TTC23L: variants seen among roughly 807,000 people sequenced by gnomAD.
The protein encoded by TTC23L is tetratricopeptide repeat domain 23 like.
A neutral mutation model predicts 48.1 loss-of-function variants in TTC23L; 42 were observed. The ratio of observed to expected loss-of-function variants is 0.87; its 90% CI spans 0.68 to 1.13. TTC23L has a LOEUF of 1.13. Ranked by LOEUF, TTC23L falls within the 50% of genes most tolerant of loss-of-function variation. TTC23L has a pLI of 0.00. For missense variants in TTC23L, 391 were observed against 421.0 expected, an observed-to-expected ratio of 0.93 and a Z score of 0.62; for synonymous variants, 159 against 157.2, an observed-to-expected ratio of 1.01 and a Z score of -0.09.
chr5:34,911,264 C>A, the TTC23L span, among the ~76,000 whole-genome samples: 1 of 152,120 alleles, frequency 6.6e-6, no homozygotes, highest in Non-Finnish European at 1.5e-5. Context: ...CATGATGTAA[C>A]CTGATCTATG....
At chr5:34,911,570 C>G in the TTC23L span, 1 of 1,614,134 alleles carries the variant, frequency 6.2e-7, no homozygotes, top group Non-Finnish European at 8.5e-7. Context: ...TAAGGCTTGT[C>G]AGGAGACATG....
downstream of TTC23L, among the ~76,000 whole-genome samples, chr5:34,903,123 T>C (rs976963205): frequency 6.6e-6 from 1 of 152,188 alleles, no homozygotes; most frequent in African/African-American, 2.4e-5. Context: ...AATTTTATGG[T>C]GTACCTGTTC....
chr5:34,915,839 C>T, the TTC23L span: 2 of 1,569,998 alleles, frequency 1.3e-6, no homozygotes, highest in Non-Finnish European at 1.7e-6. Flanking sequence ...AAGCGGCACG[C>T]CACAGCAGAG....
the TTC23L span, chr5:34,922,113 G>A: frequency 1.6e-6 from 1 of 606,790 alleles, no homozygotes; most frequent in Non-Finnish European, 2.8e-6. Context: ...CTATTAGCCT[G>A]GTTAGGTATT....
the TTC23L span, chr5:34,906,423 G>C: frequency 3.1e-4 from 47 of 152,172 alleles, no homozygotes; most frequent in African/African-American, 1.0e-3. Flanking sequence ...TGGATTGCTT[G>C]AGCTCAGGAG....
chr5:34,851,438 C>A lies in TTC23L; in HGVS notation c.379+1130C>A, dbSNP rs550959764. Among the ~76,000 whole-genome samples the A allele has an allele frequency of 2.6e-5, 4 of 152,200 alleles. 1 individual carries two copies. The highest frequency in any genetic ancestry group is 2.6e-4 in the Admixed American group (4 of 15,292). On this transcript the variant is annotated intron_variant, in intron 4 of 10. Coordinates refer to ENST00000505624, the Ensembl canonical transcript of TTC23L. ...CTTTTACACCCATTTATTTTTAATG[C>A]AACTTTAGATTCATTTATTGATGTG...
intron 8 of TTC23L, 101 bp from the exon 9 acceptor site, chr5:34,880,080 G>C (rs952565607): frequency 3.7e-5 from 52 of 1,410,390 alleles, no homozygotes; most frequent in Non-Finnish European, 4.7e-5. Context: ...TTGAGAACAA[G>C]CATGGACTTT....
At chr5:34,882,659 A>ACACACACACACACACACACAC (rs56232363) in intron 9 of TTC23L, among the ~76,000 whole-genome samples, 7 of 144,168 alleles carry the variant, frequency 4.9e-5, no homozygotes, top group Non-Finnish European at 6.1e-5. Context: ...ACACACACAC[A>ACACACACACACACACACACAC]ATATCTTTTG....
rs188620341 is a variant in TTC23L, at chr5:34,859,067, T to A, written c.380-3831T>A. Reference sequence around the variant, plus strand: ...CCTCAGGGACTGCCTCAGAACAACTTTCTTGAGTGGTAGTTGTTTTATTTG... The same window carrying A: ...CCTCAGGGACTGCCTCAGAACAACTATCTTGAGTGGTAGTTGTTTTATTTG... On this transcript the variant is annotated intron_variant, in intron 4 of 10. Transcript: ENST00000505624. Among the ~76,000 whole-genome samples, 5 of 152,298 alleles carry A rather than the reference T, an allele frequency of 3.3e-5. No homozygotes were observed. In the East Asian group the frequency reaches 9.7e-4, roughly 29 times the overall value.
the TTC23L span, chr5:34,911,960 T>A: frequency 4.3e-6 from 4 of 929,296 alleles, no homozygotes; most frequent in Non-Finnish European, 6.5e-6. Flanking sequence ...GGATGACATC[T>A]TCCCTGATGA....
intron 9 of TTC23L, among the ~76,000 whole-genome samples, chr5:34,891,062 A>C (rs1762837454): frequency 6.6e-6 from 1 of 152,194 alleles, no homozygotes; most frequent in Middle Eastern, 3.4e-3. Flanking sequence ...TACAAGACTT[A>C]GATCAGGGCC....
At chr5:34,840,347 A>G (rs896715770) in intron 1 of TTC23L, among the ~76,000 whole-genome samples, 1 of 152,062 alleles carries the variant, frequency 6.6e-6, no homozygotes, top group Non-Finnish European at 1.5e-5. Context: ...TGCAAAAACA[A>G]TATCTGAGTT....
At chr5:34,924,745 A>T in the TTC23L span, 8 of 681,698 alleles carry the variant, frequency 1.2e-5, no homozygotes, top group East Asian at 2.1e-4. Flanking sequence ...GATTTTATGG[A>T]TTATCAATTA....
chr5:34,902,436 T>A, downstream of TTC23L: 1 of 381,202 alleles, frequency 2.6e-6, no homozygotes, highest in Non-Finnish European at 5.4e-6. Context: ...TTAATAATAA[T>A]ACAGCTCAAA....
downstream of TTC23L, chr5:34,899,564 G>C (rs1243177733): frequency 6.6e-6 from 1 of 152,514 alleles, no homozygotes; most frequent in Non-Finnish European, 1.5e-5. Flanking sequence ...CTTAGCAGCA[G>C]CATTCCAGGT....
At chr5:34,896,921 G>C (rs768396843) in intron 10 of TTC23L, 46 bp downstream of exon 10, 94 of 653,762 alleles carry the variant, frequency 1.4e-4, no homozygotes, top group Non-Finnish European at 1.2e-4. Context: ...TCCTGAAAGG[G>C]GCTGCAAGAA....
At position 34,839,798 on chromosome 5, in the gene TTC23L, T is replaced by C. The variant is rs569474549; in HGVS notation, c.-8+539T>C. On this transcript the variant is annotated intron_variant, in intron 1 of 10. Transcript: ENST00000505624. The stretch of plus-strand genomic sequence containing the variant: ...CGACTGGCATAGCCTTCCTTGAGAG[T>C]TGAATTTCACAAATACTGTATTTAG... 56 of 287,654 alleles carry C rather than the reference T, an allele frequency of 1.9e-4. 1 individual carries two copies. Among genetic ancestry groups the C allele is most frequent in the Non-Finnish European group, 2.8e-4 (53 of 192,088 alleles). The allele number at this position is 287,654 out of a possible 1,614,324, so 17.8% of individuals were successfully genotyped here. A position where few individuals can be genotyped will look rare whatever the true frequency, so the allele number is the denominator to read the frequency against.
intron 4 of TTC23L, 37 bp from the exon 5 acceptor site, chr5:34,862,861 G>A (rs1191178318): frequency 1.2e-6 from 2 of 1,610,334 alleles, no homozygotes; most frequent in South Asian, 1.1e-5. Flanking sequence ...CCTTTTTAAT[G>A]TCTGTCTTCT....
At chr5:34,880,645 CTT>C (rs34549849) in intron 9 of TTC23L, 3,088 of 361,294 alleles carry the variant, frequency 8.5e-3, no homozygotes, top group East Asian at 0.013. Flanking sequence ...CTCTGACAAA[CTT>C]TTTTTTTTTT....
Sources: gnomAD v4.1 joint callset for allele counts (sites outside exome capture counted in the v4.1 genomes callset) on GRCh38, gnomAD v4.1.1 for gene constraint, MANE v1.5 for transcripts, NCBI Gene and HGNC (gene_info 2026-07-23, HGNC 2026-07-21) for gene names.